RORA: variants seen among roughly 807,000 people sequenced by gnomAD.
The protein encoded by RORA is nuclear receptor ROR-alpha.
Under a neutral mutation model 69.5 loss-of-function variants are expected in RORA, and 7 were observed. The ratio of observed to expected loss-of-function variants is 0.10; its 90% CI spans 0.06 to 0.19. The LOEUF (loss-of-function observed/expected upper bound fraction) is 0.19. RORA is among the 10% of genes least tolerant of loss of function. The pLI is 1.00. For missense variants in RORA, 457 were observed against 663.0 expected (o/e 0.69, Z 3.41); for synonymous variants, 261 against 240.8 (o/e 1.08, Z -0.78).
intron 1 of RORA, among the ~76,000 whole-genome samples, chr15:60,695,524 C>T (rs2070890709): frequency 6.6e-6 from 1 of 151,806 alleles, no homozygotes. Context: ...ATAATTCTTA[C>T]AATTGCTATA....
intron 1 of RORA, among the ~76,000 whole-genome samples, chr15:60,797,206 T>C (rs1205234810): frequency 6.6e-6 from 1 of 152,026 alleles, no homozygotes; most frequent in African/African-American, 2.4e-5. Context: ...CATGGTTGCA[T>C]AACTTTGTGA....
intron 2 of RORA, chr15:60,558,195 A>G (rs2067424675): frequency 1.3e-6 from 2 of 1,495,760 alleles, no homozygotes; most frequent in South Asian, 2.3e-5. Flanking sequence ...TGGATGGAGG[A>G]CAGGTCAGGA....
intron 1 of RORA, among the ~76,000 whole-genome samples, chr15:60,972,833 A>T (rs66687463): frequency 6.6e-6 from 1 of 152,012 alleles, no homozygotes; most frequent in African/African-American, 2.4e-5. Flanking sequence ...CAAAAGAATA[A>T]GTTCTCTTAA....
At chr15:60,506,357 A>G (rs2065501171) in intron 5 of RORA, among the ~76,000 whole-genome samples, 1 of 152,208 alleles carries the variant, frequency 6.6e-6, no homozygotes. Flanking sequence ...AGAATGTGCT[A>G]CAGAATATTA....
rs529930319 is a variant in RORA, at chr15:60,665,587, T to G, written c.196+13070A>C. On this transcript the variant is annotated intron_variant, in intron 2 of 10. Coordinates refer to ENST00000335670, the MANE Select transcript of RORA (RefSeq NM_134261.3). The stretch of plus-strand genomic sequence containing the variant: ...ATACTGAGACTCAAAATGCATATGG[T>G]AAATTGCCAGATGTCAAGCAGCCCT... Among the ~76,000 whole-genome samples, 207 of 152,366 alleles carry G rather than the reference T, an allele frequency of 1.4e-3. 1 individual carries two copies. The highest frequency in any genetic ancestry group is 2.5e-3 in the Non-Finnish European group (172 of 68,034).
At chr15:61,149,487 T>A (rs928738823) in intron 1 of RORA, among the ~76,000 whole-genome samples, 1 of 152,166 alleles carries the variant, frequency 6.6e-6, no homozygotes, top group Non-Finnish European at 1.5e-5. Context: ...TCTCTCTAAA[T>A]CATTTCCTTC....
At chr15:60,715,139 C>T (rs1429315622) in intron 1 of RORA, among the ~76,000 whole-genome samples, 4 of 152,154 alleles carry the variant, frequency 2.6e-5, no homozygotes, top group Admixed American at 2.0e-4. Context: ...ACTACACAAA[C>T]ACCCGATTTA....
intron 1 of RORA, among the ~76,000 whole-genome samples, chr15:60,893,228 G>C (rs752230655): frequency 6.6e-6 from 1 of 152,180 alleles, no homozygotes; most frequent in Non-Finnish European, 1.5e-5. Flanking sequence ...CTGATGATAG[G>C]ACATTCCCCA....
intron 3 of RORA, among the ~76,000 whole-genome samples, chr15:60,515,404 G>T (rs889591589): frequency 1.5e-5 from 2 of 134,606 alleles, no homozygotes; most frequent in Non-Finnish European, 3.3e-5. Flanking sequence ...TTTAAAGATG[G>T]AACAAATCCA....
intron 1 of RORA, among the ~76,000 whole-genome samples, chr15:61,078,766 GCTAT>G (rs148557298): frequency 6.0e-5 from 9 of 150,232 alleles, no homozygotes; most frequent in Non-Finnish European, 1.2e-4. Context: ...GGAGGGTATG[GCTAT>G]CTATCTATCT....
intron 1 of RORA, among the ~76,000 whole-genome samples, chr15:60,937,361 C>T (rs1469128628): frequency 6.6e-6 from 1 of 152,144 alleles, no homozygotes; most frequent in Non-Finnish European, 1.5e-5. Context: ...TTTCATAAGG[C>T]TTTTGTCTTG....
intron 2 of RORA, among the ~76,000 whole-genome samples, chr15:60,536,697 G>T (rs1210444919): frequency 1.3e-5 from 2 of 152,260 alleles, no homozygotes; most frequent in Non-Finnish European, 2.9e-5. Context: ...GGACTGAATG[G>T]GGTGGGGTTA....
intron 2 of RORA, among the ~76,000 whole-genome samples, chr15:60,621,642 T>C (rs190752413): frequency 6.6e-6 from 1 of 152,166 alleles, no homozygotes; most frequent in East Asian, 1.9e-4. Flanking sequence ...CAAAAACAGA[T>C]TGTGGGTTGG....
chr15:60,773,274 G>A (rs749302347), intron 1 of RORA, among the ~76,000 whole-genome samples: 2 of 152,024 alleles, frequency 1.3e-5, no homozygotes, highest in Non-Finnish European at 2.9e-5. Context: ...TTATATACTC[G>A]GTGCTGGCTT....
chr15:61,157,956 C>T (rs2079459656), intron 1 of RORA, among the ~76,000 whole-genome samples: 1 of 152,116 alleles, frequency 6.6e-6, no homozygotes, highest in Admixed American at 6.6e-5. Flanking sequence ...GTGTATGTTC[C>T]TCAGCTGGAG....
intron 1 of RORA, among the ~76,000 whole-genome samples, chr15:60,679,506 A>G (rs1301535824): frequency 6.6e-6 from 1 of 152,172 alleles, no homozygotes; most frequent in Non-Finnish European, 1.5e-5. Context: ...TTTATGCTGC[A>G]TTCTTCTTGG....
At chr15:61,086,951 T>C (rs2078634581) in intron 1 of RORA, among the ~76,000 whole-genome samples, 2 of 152,172 alleles carry the variant, frequency 1.3e-5, no homozygotes, top group African/African-American at 4.8e-5. Context: ...GGCGGAAGGA[T>C]GGCTTGAGTC....
chr15:61,183,284 C>T (rs568284445), intron 1 of RORA, among the ~76,000 whole-genome samples: 1 of 152,148 alleles, frequency 6.6e-6, no homozygotes, highest in South Asian at 2.1e-4. Flanking sequence ...GCTTGTAATC[C>T]AGCACTTTGG....
At chr15:60,763,836 A>G (rs16943087) in intron 1 of RORA, 31,314 of 152,002 alleles carry the variant, frequency 0.21, 3,820 homozygotes, top group African/African-American at 0.34. Flanking sequence ...CCTTCTTAGT[A>G]CAGTGCCAAT....
Sources: gnomAD v4.1 joint callset for allele counts (sites outside exome capture counted in the v4.1 genomes callset) on GRCh38, gnomAD v4.1.1 for gene constraint, MANE v1.5 for transcripts, NCBI Gene and HGNC (gene_info 2026-07-23, HGNC 2026-07-21) for gene names.